Variants in SGCZ observed in about 807,000 individuals in gnomAD.
SGCZ encodes zeta-sarcoglycan.
Under a neutral mutation model 41.3 loss-of-function variants are expected in SGCZ, and 40 were observed. The observed-to-expected ratio is 0.97, with a 90% confidence interval of 0.75 to 1.26. The LOEUF (loss-of-function observed/expected upper bound fraction) is 1.26. Among genes scored for constraint, SGCZ ranks in the 50% most tolerant of loss-of-function variants. The probability of loss-of-function intolerance (pLI) is 0.00; values close to 1 mark genes in which losing one functional copy is unlikely to be tolerated. For missense variants in SGCZ, 552 were observed against 369.8 expected (o/e 1.49, Z -4.04); for synonymous variants, 206 against 137.5 (o/e 1.50, Z -3.49).
intron 1 of SGCZ, among the ~76,000 whole-genome samples, chr8:15,236,847 G>C (rs1802141416): frequency 6.6e-6 from 1 of 152,026 alleles, no homozygotes; most frequent in Non-Finnish European, 1.5e-5. Context: ...AGGCTGGTGG[G>C]AGACCGTGTG....
At chr8:14,541,019 T>G (rs1803450165) in intron 2 of SGCZ, among the ~76,000 whole-genome samples, 1 of 150,872 alleles carries the variant, frequency 6.6e-6, no homozygotes. Flanking sequence ...GATGAGAACA[T>G]ATATATGTAT....
chr8:14,868,897 T>C (rs1013683638), intron 1 of SGCZ, among the ~76,000 whole-genome samples: 14 of 152,084 alleles, frequency 9.2e-5, no homozygotes, highest in Non-Finnish European at 1.5e-4. Flanking sequence ...AGGAAGAAGC[T>C]GGATCCCAGA....
chr8:15,016,611 C>G (rs10086025), intron 1 of SGCZ, among the ~76,000 whole-genome samples: 2,484 of 152,268 alleles, frequency 0.016, 68 homozygotes, highest in African/African-American at 0.056. Context: ...AGGTTAAGAG[C>G]ATAGTGCCTC....
At chr8:15,016,484 A>C (rs751796835) in intron 1 of SGCZ, among the ~76,000 whole-genome samples, 2 of 152,166 alleles carry the variant, frequency 1.3e-5, no homozygotes, top group Non-Finnish European at 1.5e-5. Flanking sequence ...CTCAGGTAAA[A>C]GAGAGAAGAG....
Position 14,488,533 on chromosome 8 carries a change from G to C in SGCZ, c.234+66199C>G, listed in dbSNP as rs552687408. 1.1e-4 allele frequency among the ~76,000 whole-genome samples: 16 copies of C among 152,078 alleles called. No individual in the cohort carries two copies. The East Asian group carries it at 3.1e-3, about 29-fold the overall frequency. On this transcript the variant is annotated intron_variant, in intron 2 of 7. Coordinates refer to ENST00000382080, the MANE Select transcript of SGCZ (RefSeq NM_139167.4). ...TAAATCATCCCCTAGCCTCTAGCCA[G>C]TTTTACAACATGGAAATGCCTCTCA... is the stretch of plus-strand genomic sequence containing the variant.
At chr8:14,909,514 G>C (rs1322645391) in intron 1 of SGCZ, among the ~76,000 whole-genome samples, 1 of 151,876 alleles carries the variant, frequency 6.6e-6, no homozygotes, top group African/African-American at 2.4e-5. Flanking sequence ...TGATTTATCT[G>C]TGCTAACCAT....
Position 15,230,302 on chromosome 8 carries a change from T to G in SGCZ, c.39+7283A>C, listed in dbSNP as rs554169462. Among the ~76,000 whole-genome samples, 18 of 152,240 alleles carry G rather than the reference T, an allele frequency of 1.2e-4. No individual in the cohort carries two copies. In the South Asian group the frequency reaches 3.7e-3, roughly 32 times the overall value. ...AAATTAGAGTATTAGAGAAACTCAGTGAAAAATCTCTACCATCAGACGTTC... is the reference window on the plus strand; with the variant it reads ...AAATTAGAGTATTAGAGAAACTCAGGGAAAAATCTCTACCATCAGACGTTC... On this transcript the variant is annotated intron_variant, in intron 1 of 7. Transcript: ENST00000382080.
At chr8:14,234,866 G>T (rs1433668391) in intron 4 of SGCZ, among the ~76,000 whole-genome samples, 2 of 152,030 alleles carry the variant, frequency 1.3e-5, no homozygotes, top group Non-Finnish European at 2.9e-5. Context: ...CACTTTCTGT[G>T]TTGTGTTTTG....
Position 14,985,086 on chromosome 8 carries a change from T to C in SGCZ, c.39+252499A>G, listed in dbSNP as rs1042252240. Among the ~76,000 whole-genome samples, 10 of 152,314 alleles carry C rather than the reference T, an allele frequency of 6.6e-5. No individual in the cohort carries two copies. The East Asian group carries it at 1.5e-3, about 24-fold the overall frequency. On this transcript the variant is annotated intron_variant, in intron 1 of 7. Coordinates refer to ENST00000382080, the MANE Select transcript of SGCZ (RefSeq NM_139167.4). Reference sequence around the variant, plus strand: ...TATTTGAAGGCAAGCCAATACCCAATGGTCAAATACGAAAGAATGACATAA... The same window carrying C: ...TATTTGAAGGCAAGCCAATACCCAACGGTCAAATACGAAAGAATGACATAA...
chr8:14,989,909 A>G (rs1388929724), intron 1 of SGCZ, among the ~76,000 whole-genome samples: 5 of 152,186 alleles, frequency 3.3e-5, no homozygotes, highest in Non-Finnish European at 7.3e-5. Flanking sequence ...GAGACAAGTG[A>G]ACTGTCCTGG....
rs189101885 is a variant in SGCZ, at chr8:15,065,737, T to C, written c.39+171848A>G. Among the ~76,000 whole-genome samples, 31 of 152,192 alleles carry C rather than the reference T, an allele frequency of 2.0e-4. No homozygotes were observed. In the East Asian group the frequency reaches 5.4e-3, roughly 27 times the overall value. On this transcript the variant is annotated intron_variant, in intron 1 of 7. Coordinates refer to ENST00000382080, the MANE Select transcript of SGCZ (RefSeq NM_139167.4). ...CACAGGTATACACACTCAGATGGTA[T>C]TGTAATTCTTGAGTCACTTATCCAA...
chr8:14,561,052 T>A (rs761495918), intron 1 of SGCZ, among the ~76,000 whole-genome samples: 17 of 152,110 alleles, frequency 1.1e-4, no homozygotes, highest in Non-Finnish European at 2.2e-4. Context: ...CCTTTTTTTG[T>A]TGTTAAATCT....
intron 4 of SGCZ, among the ~76,000 whole-genome samples, chr8:14,198,969 G>A (rs982729720): frequency 1.3e-5 from 2 of 152,140 alleles, no homozygotes; most frequent in Non-Finnish European, 2.9e-5. Flanking sequence ...ACCCTGTGAT[G>A]ATTGTGTTAA....
chr8:15,050,630 C>T (rs909811388), intron 1 of SGCZ, among the ~76,000 whole-genome samples: 1 of 152,052 alleles, frequency 6.6e-6, no homozygotes, highest in Admixed American at 6.6e-5. Context: ...TGAGAGTTTT[C>T]AACATGGAGG....
intron 5 of SGCZ, among the ~76,000 whole-genome samples, chr8:14,151,139 A>G (rs1421853036): frequency 6.6e-6 from 1 of 152,062 alleles, no homozygotes; most frequent in African/African-American, 2.4e-5. Flanking sequence ...AGTCAATAAT[A>G]ACTTAATTGC....
chr8:14,905,974 G>A (rs2130768363), intron 1 of SGCZ, among the ~76,000 whole-genome samples: 1 of 152,082 alleles, frequency 6.6e-6, no homozygotes, highest in Admixed American at 6.6e-5. Context: ...TATAGTGTTA[G>A]GAATGTGGTT....
intron 1 of SGCZ, among the ~76,000 whole-genome samples, chr8:14,711,165 G>A (rs1185752489): frequency 6.6e-6 from 1 of 152,110 alleles, no homozygotes; most frequent in Non-Finnish European, 1.5e-5. Context: ...AGTCACTATG[G>A]ACTTAATGGA....
intron 2 of SGCZ, among the ~76,000 whole-genome samples, chr8:14,481,805 G>A (rs964647733): frequency 1.3e-5 from 2 of 152,120 alleles, no homozygotes; most frequent in African/African-American, 4.8e-5. Flanking sequence ...CTAATCAAGG[G>A]ATAACCGATT....
rs537703581 is a variant in SGCZ, at chr8:14,458,261, C to T, written c.234+96471G>A. On this transcript the variant is annotated intron_variant, in intron 2 of 7. Coordinates refer to ENST00000382080, the MANE Select transcript of SGCZ (RefSeq NM_139167.4). ...AACTAGCTATATTACAAATGAAAAA[C>T]GTAAGCACACAAATATTTGGGAAAA... Among the ~76,000 whole-genome samples, 12 of 152,056 alleles carry T rather than the reference C, an allele frequency of 7.9e-5. No homozygotes were observed. The South Asian group carries it at 1.0e-3, about 13-fold the overall frequency.
Sources: allele counts gnomAD v4.1 joint callset (sites outside exome capture counted in the v4.1 genomes callset), GRCh38; gene constraint gnomAD v4.1.1; transcripts MANE v1.5; gene names NCBI Gene and HGNC (gene_info 2026-07-23, HGNC 2026-07-21).